WDFY3: variants seen among roughly 807,000 people sequenced by gnomAD.
WDFY3 encodes WD repeat and FYVE domain-containing protein 3.
Under a neutral mutation model 409.6 loss-of-function variants are expected in WDFY3, and 66 were observed. The observed-to-expected ratio is 0.16, with a 90% CI of 0.13 to 0.20. The LOEUF is 0.20. WDFY3 is among the 10% of genes least tolerant of loss of function. The pLI, the probability that WDFY3 is intolerant of heterozygous loss-of-function variation, is 1.00. For synonymous variants in WDFY3, 1,521 were observed against 1,537.1 expected, an observed-to-expected ratio of 0.99 and a Z score of 0.25; for missense variants, 3,031 against 4,298.1, an observed-to-expected ratio of 0.71 and a Z score of 8.24.
intron 58 of WDFY3, 51 bp from the exon 59 acceptor site, chr4:84,693,083 G>T: frequency 6.4e-7 from 1 of 1,557,516 alleles, no homozygotes. Flanking sequence ...ACACTTATAA[G>T]CCCTTTTATA....
intron 3 of WDFY3, among the ~76,000 whole-genome samples, chr4:84,876,558 G>A (rs748962368): frequency 8.6e-5 from 13 of 152,034 alleles, no homozygotes; most frequent in Non-Finnish European, 1.2e-4. Flanking sequence ...TTATTCTACC[G>A]TAATGTACAT....
intron 3 of WDFY3, among the ~76,000 whole-genome samples, chr4:84,891,227 C>T (rs911006431): frequency 1.4e-4 from 21 of 152,152 alleles, no homozygotes; most frequent in Admixed American, 7.9e-4. Context: ...CTGCCCTTTC[C>T]TCTCTTCCAT....
intron 29 of WDFY3, among the ~76,000 whole-genome samples, chr4:84,773,422 T>C (rs370310581): frequency 1.3e-5 from 2 of 152,340 alleles, no homozygotes; most frequent in East Asian, 3.9e-4. Context: ...GGATCCACTG[T>C]AGCCTAGCAG....
chr4:84,684,927 A>G (rs1485766315), intron 62 of WDFY3, among the ~76,000 whole-genome samples: 1 of 152,232 alleles, frequency 6.6e-6, no homozygotes, highest in Non-Finnish European at 1.5e-5. Context: ...TGGAGACTTC[A>G]GATGTTCTAG....
chr4:84,882,184 T>C (rs1763627267), intron 3 of WDFY3, among the ~76,000 whole-genome samples: 1 of 152,278 alleles, frequency 6.6e-6, no homozygotes, highest in African/African-American at 2.4e-5. Context: ...AGTATCCACA[T>C]CAAGGCTCTC....
At chr4:84,717,241 G>A (rs1447583742) in intron 48 of WDFY3, among the ~76,000 whole-genome samples, 3 of 152,006 alleles carry the variant, frequency 2.0e-5, no homozygotes, top group Non-Finnish European at 4.4e-5. Flanking sequence ...TTACTGTCAG[G>A]ACCAAGTTAT....
intron 52 of WDFY3, 60 bp downstream of exon 52, chr4:84,709,233 T>C: frequency 6.7e-7 from 1 of 1,502,314 alleles, no homozygotes; most frequent in East Asian, 2.3e-5. Context: ...TGCTTTTAAC[T>C]GTATGACTTC....
intron 34 of WDFY3, 97 bp downstream of exon 34, chr4:84,755,169 A>G: frequency 6.6e-7 from 1 of 1,521,958 alleles, no homozygotes; most frequent in South Asian, 1.2e-5. Flanking sequence ...CATGCAGTAA[A>G]TAAAGTAGTT....
intron 53 of WDFY3, among the ~76,000 whole-genome samples, chr4:84,706,928 A>AT (rs1415874865): frequency 6.9e-6 from 1 of 145,332 alleles, no homozygotes; most frequent in African/African-American, 2.6e-5. Flanking sequence ...TTTATTATTT[A>AT]TTTTTACTTC....
At chr4:84,770,270 C>T (rs575059480) in intron 30 of WDFY3, among the ~76,000 whole-genome samples, 113 of 152,154 alleles carry the variant, frequency 7.4e-4, no homozygotes, top group African/African-American at 2.7e-3. Context: ...CCTCATGATC[C>T]GCCCTCCTCA....
intron 3 of WDFY3, among the ~76,000 whole-genome samples, chr4:84,867,652 C>T (rs866706844): frequency 1.3e-4 from 20 of 152,114 alleles, no homozygotes; most frequent in African/African-American, 3.9e-4. Context: ...AAACAGTTTT[C>T]CATTACTTAA....
At chr4:84,940,822 C>T (rs1464260425) in intron 1 of WDFY3, among the ~76,000 whole-genome samples, 2 of 152,086 alleles carry the variant, frequency 1.3e-5, no homozygotes, top group East Asian at 1.9e-4. Flanking sequence ...AGGGGTATTA[C>T]ATCATGATGA....
chr4:84,847,802 C>CAAAAAAAAAAAAA (rs1216270148), intron 5 of WDFY3, among the ~76,000 whole-genome samples: 5 of 100,040 alleles, frequency 5.0e-5, no homozygotes, highest in Admixed American at 3.0e-4. Context: ...AAAAAAAAAA[C>CAAAAAAAAAAAAA]AAAAAAAAAC....
intron 4 of WDFY3, among the ~76,000 whole-genome samples, chr4:84,850,954 TTTTTTTTTTTTTTTTG>T (rs1560923278): frequency 1.3e-4 from 12 of 91,976 alleles, no homozygotes; most frequent in African/African-American, 4.0e-4. Flanking sequence ...TTTTTTTTTT[TTTTTTTTTTTTTTTTG>T]AGAACTGGTT....
intron 25 of WDFY3, among the ~76,000 whole-genome samples, chr4:84,781,533 G>C (rs1746522194): frequency 6.6e-6 from 1 of 151,592 alleles, no homozygotes; most frequent in South Asian, 2.1e-4. Context: ...TACATGGTGT[G>C]AACCACCATG....
intron 9 of WDFY3, among the ~76,000 whole-genome samples, chr4:84,828,335 G>T (rs1473656383): frequency 2.6e-5 from 4 of 152,018 alleles, no homozygotes; most frequent in Admixed American, 2.6e-4. Flanking sequence ...CATATACACA[G>T]TTGTAAGGTT....
intron 4 of WDFY3, among the ~76,000 whole-genome samples, chr4:84,850,948 T>G (rs1758900915): frequency 3.8e-5 from 3 of 79,718 alleles, no homozygotes; most frequent in Non-Finnish European, 9.1e-5. Context: ...TTTTTTTTTT[T>G]TTTTTTTTTT....
chr4:84,812,760 C>G (rs1375265465), intron 13 of WDFY3, among the ~76,000 whole-genome samples: 1 of 152,084 alleles, frequency 6.6e-6, no homozygotes, highest in Admixed American at 6.5e-5. Context: ...ATATTATGTA[C>G]TTCTGGACAG....
In WDFY3 at chr4:84,709,040, T is replaced by C. The variant is rs775620941; in HGVS notation, c.8098-12A>G. ...CTGATTTCACCTCTCTGGAAAAAGATAAATATTCATTTTTGAGCTATCGAT... is the reference window on the plus strand; with the variant it reads ...CTGATTTCACCTCTCTGGAAAAAGACAAATATTCATTTTTGAGCTATCGAT... On this transcript the variant is annotated splice_polypyrimidine_tract_variant and intron_variant, in intron 52 of 67. Transcript: ENST00000295888. 7.6e-5 allele frequency: 122 copies of C among 1,612,956 alleles called. No homozygotes were observed. The highest frequency in any genetic ancestry group is 3.3e-4 in the Middle Eastern group (2 of 6,072).
Sources: gnomAD v4.1 joint callset for allele counts (sites outside exome capture counted in the v4.1 genomes callset) on GRCh38, gnomAD v4.1.1 for gene constraint, MANE v1.5 for transcripts, NCBI Gene and HGNC (gene_info 2026-07-23, HGNC 2026-07-21) for gene names.